The following SPTLC2 variants were observed in gnomAD, a reference collection of about 807,000 sequenced individuals.
SPTLC2 encodes serine palmitoyltransferase long chain base subunit 2.
Under a neutral mutation model 62.0 loss-of-function variants are expected in SPTLC2, and 21 were observed. The ratio of observed to expected loss-of-function variants is 0.34; its 90% CI spans 0.24 to 0.49. The LOEUF is 0.49. Among genes scored for constraint, SPTLC2 ranks in the 20% least tolerant of loss-of-function variants. The pLI is 0.99. For synonymous variants in SPTLC2, 261 were observed against 261.8 expected (o/e 1.00, Z 0.03); for missense variants, 511 against 713.0 (o/e 0.72, Z 3.23).
At chr14:77,577,499 C>A (rs2079723116) in intron 3 of SPTLC2, among the ~76,000 whole-genome samples, 1 of 152,128 alleles carries the variant, frequency 6.6e-6, no homozygotes, top group Admixed American at 6.6e-5. Flanking sequence ...ACATGTCACA[C>A]CATGGCACAT....
intron 1 of SPTLC2, among the ~76,000 whole-genome samples, chr14:77,600,027 C>T (rs940091788): frequency 2.0e-5 from 3 of 152,086 alleles, no homozygotes; most frequent in African/African-American, 7.2e-5. Flanking sequence ...TTACAGAGCC[C>T]CCCCACCGCA....
chr14:77,535,443 G>T (rs1379428714), intron 9 of SPTLC2, among the ~76,000 whole-genome samples: 4 of 152,130 alleles, frequency 2.6e-5, no homozygotes, highest in African/African-American at 9.7e-5. Context: ...CTCCCATCAG[G>T]ATCACACTGA....
intron 9 of SPTLC2, among the ~76,000 whole-genome samples, chr14:77,541,169 T>C (rs557278868): frequency 1.3e-5 from 2 of 152,154 alleles, no homozygotes; most frequent in African/African-American, 2.4e-5. Flanking sequence ...GCTGGGACTA[T>C]AGGCATAAGC....
intron 9 of SPTLC2, among the ~76,000 whole-genome samples, chr14:77,536,928 C>G (rs1358650385): frequency 6.7e-6 from 1 of 149,056 alleles, no homozygotes; most frequent in Non-Finnish European, 1.5e-5. Context: ...CCCACCCCCC[C>G]ACTTCTTTTT....
chr14:77,528,517 C>T (rs1042677878), intron 9 of SPTLC2, among the ~76,000 whole-genome samples: 2 of 152,162 alleles, frequency 1.3e-5, no homozygotes, highest in African/African-American at 4.8e-5. Flanking sequence ...AGGCATGAGG[C>T]ACTGCGCCCA....
chr14:77,517,203 A>T (rs1191904203), intron 11 of SPTLC2, among the ~76,000 whole-genome samples: 2 of 152,176 alleles, frequency 1.3e-5, no homozygotes, highest in Non-Finnish European at 1.5e-5. Flanking sequence ...AGATCACGCC[A>T]TTGCACTCCA....
At chr14:77,519,904 C>A (rs1243734477) in intron 10 of SPTLC2, among the ~76,000 whole-genome samples, 1 of 150,928 alleles carries the variant, frequency 6.6e-6, no homozygotes, top group East Asian at 1.9e-4. Context: ...TTTTTAACTT[C>A]TTAAATGCAC....
intron 1 of SPTLC2, 37 bp downstream of exon 1, chr14:77,616,411 A>G: frequency 2.3e-6 from 3 of 1,325,198 alleles, no homozygotes; most frequent in Non-Finnish European, 2.9e-6. Context: ...GCCAGTCCAC[A>G]CCGCCACCCC....
intron 11 of SPTLC2, 143 bp downstream of exon 11, chr14:77,517,895 G>A: frequency 7.5e-7 from 1 of 1,325,176 alleles, no homozygotes; most frequent in Non-Finnish European, 1.1e-6. Context: ...TTTTGTAAAT[G>A]CCAATGTTTT....
At chr14:77,551,736 C>T (rs1325670667) in intron 9 of SPTLC2, among the ~76,000 whole-genome samples, 2 of 152,280 alleles carry the variant, frequency 1.3e-5, no homozygotes, top group South Asian at 2.1e-4. Context: ...TTTATGAAAA[C>T]AGCAGCTCTT....
At chr14:77,575,784 T>C (rs1055581375) in intron 4 of SPTLC2, among the ~76,000 whole-genome samples, 1 of 152,218 alleles carries the variant, frequency 6.6e-6, no homozygotes, top group African/African-American at 2.4e-5. Context: ...CTTCCTATCT[T>C]GGCCTCACAA....
At chr14:77,546,466 A>AGTTTGCTTCAAAAACTTAGCTG in intron 9 of SPTLC2, among the ~76,000 whole-genome samples, 1 of 152,210 alleles carries the variant, frequency 6.6e-6, no homozygotes, top group South Asian at 2.1e-4. Flanking sequence ...GGTTTAAGGA[A>AGTTTGCTTCAAAAACTTAGCTG]GTTTAAGGTT....
intron 2 of SPTLC2, among the ~76,000 whole-genome samples, chr14:77,585,917 T>C (rs980191562): frequency 2.0e-5 from 3 of 152,140 alleles, no homozygotes; most frequent in Admixed American, 6.5e-5. Context: ...AAAAGGAGCA[T>C]AGCCCTAAAC....
intron 4 of SPTLC2, among the ~76,000 whole-genome samples, chr14:77,573,093 G>T (rs141575690): frequency 0.017 from 2,635 of 152,172 alleles, 80 homozygotes; most frequent in African/African-American, 0.059. Context: ...CTCGCTTTTG[G>T]CCTATGTCAG....
At chr14:77,529,581 C>T (rs1032844081) in intron 9 of SPTLC2, among the ~76,000 whole-genome samples, 24 of 135,522 alleles carry the variant, frequency 1.8e-4, no homozygotes, top group Non-Finnish European at 3.3e-4. Flanking sequence ...TTAATGTTTG[C>T]TTTTTTTCAC....
chr14:77,549,978 A>G (rs751894762), intron 9 of SPTLC2, among the ~76,000 whole-genome samples: 3 of 152,192 alleles, frequency 2.0e-5, no homozygotes, highest in Non-Finnish European at 4.4e-5. Flanking sequence ...AAGTGTGCCT[A>G]TGTGAAGTAC....
At chr14:77,568,873 C>A (rs2140032496) in intron 5 of SPTLC2, among the ~76,000 whole-genome samples, 1 of 150,926 alleles carries the variant, frequency 6.6e-6, no homozygotes, top group Non-Finnish European at 1.5e-5. Context: ...TTGTCTACTT[C>A]TTTTAGTTTC....
rs570605515 is a variant in SPTLC2 at position 77,512,151 on chromosome 14, G to A, written c.*133C>T. The A allele has an allele frequency of 1.8e-5, 22 of 1,233,126 alleles. No homozygotes were observed. Among genetic ancestry groups the A allele is most frequent in the Non-Finnish European group, 2.2e-5 (19 of 846,646 alleles). 76.4% of individuals were successfully genotyped at this position (1,233,126 alleles called of 1,614,324 possible). A position where few individuals can be genotyped will look rare whatever the true frequency, so the allele number is the denominator to read the frequency against. On this transcript the variant is annotated 3_prime_UTR_variant, in exon 12 of 12. Coordinates refer to ENST00000216484, the MANE Select transcript of SPTLC2 (RefSeq NM_004863.4). ...ACAAAATGTCATTTAGAGTGGAGGTGGCCACCTTCAGTAGCTGAGGCAATG... is the reference window on the plus strand; with the variant it reads ...ACAAAATGTCATTTAGAGTGGAGGTAGCCACCTTCAGTAGCTGAGGCAATG...
chr14:77,515,542 C>CTGTTT (rs2079354234), intron 11 of SPTLC2, among the ~76,000 whole-genome samples: 1 of 124,716 alleles, frequency 8.0e-6, no homozygotes, highest in African/African-American at 3.5e-5. Context: ...AAGGGAAAGG[C>CTGTTT]TTTTTTTTTT....
Sources: gnomAD v4.1 joint callset for allele counts (sites outside exome capture counted in the v4.1 genomes callset) on GRCh38, gnomAD v4.1.1 for gene constraint, MANE v1.5 for transcripts, NCBI Gene and HGNC (gene_info 2026-07-23, HGNC 2026-07-21) for gene names.